Variants in CUBN observed in about 807,000 individuals in gnomAD.
CUBN encodes the protein cubilin, also known as 460 kDa receptor.
CUBN carries 282 observed loss-of-function variants against 405.3 expected under a neutral mutation model. The observed-to-expected ratio is 0.70, with a 90% CI of 0.63 to 0.77. The LOEUF (loss-of-function observed/expected upper bound fraction) is 0.77, where lower values mean the gene tolerates loss of function less well. Among genes scored for constraint, CUBN ranks in the 30% least tolerant of loss-of-function variants. The pLI is 0.00. For synonymous variants in CUBN, 1,684 were observed against 1,617.0 expected (o/e 1.04, Z -0.99); for missense variants, 4,514 against 4,475.2 (o/e 1.01, Z -0.25).
In CUBN at chr10:16,824,849, G is replaced by T; in HGVS notation, c.*126C>A. 2.7e-6 allele frequency: 2 copies of T among 743,630 alleles called. No homozygotes were observed. Among genetic ancestry groups the T allele is most frequent in the Non-Finnish European group, 4.8e-6 (2 of 419,536 alleles). The allele number at this position is 743,630 out of a possible 1,614,324, so 46.1% of individuals were successfully genotyped here. On this transcript the variant is annotated 3_prime_UTR_variant, in exon 67 of 67. Transcript: ENST00000377833. ...CAAATATTGATTCTATCCATGGTTT[G>T]GTGAAAAACCATACAAGTTCAGCTT... is the stretch of plus-strand genomic sequence containing the variant.
rs760780906 is a variant in CUBN at position 16,982,520 on chromosome 10, A to G, written c.4659T>C (p.Thr1553=). ...AGTCTTGTGGTTCAAGATCAAAGTCAGTGAAGTTCAAGAGAACACGATGAT... is the reference window on the plus strand; with the variant it reads ...AGTCTTGTGGTTCAAGATCAAAGTCGGTGAAGTTCAAGAGAACACGATGAT... ...DRNHRVLLNF[T]DFDLEPQDSC... The change falls in exon 31 of 67, where the codon ACT becomes ACC. Residue 1553 remains threonine (T), a synonymous_variant. Transcript: ENST00000377833. 6.2e-7 allele frequency: 1 copy of G among 1,613,840 alleles called. No homozygotes were observed. The highest frequency in any genetic ancestry group is 8.5e-7 in the Non-Finnish European group (1 of 1,179,754).
chr10:16,885,438 A>G (rs1050833977), intron 56 of CUBN, among the ~76,000 whole-genome samples: 5 of 152,206 alleles, frequency 3.3e-5, no homozygotes, highest in African/African-American at 7.2e-5. Flanking sequence ...ATACATATAT[A>G]ATAAATATAT....
chr10:16,837,450 A>G (rs1457296128), intron 62 of CUBN, among the ~76,000 whole-genome samples: 3 of 151,956 alleles, frequency 2.0e-5, no homozygotes, highest in Non-Finnish European at 4.4e-5. Context: ...CTTTTCTCCC[A>G]GTTACTTCCC....
At chr10:17,101,387 T>C (rs150158691) in intron 13 of CUBN, among the ~76,000 whole-genome samples, 1 of 152,110 alleles carries the variant, frequency 6.6e-6, no homozygotes, top group African/African-American at 2.4e-5. Context: ...ATAGAATTCA[T>C]GAAAACTAAA....
chr10:17,045,313 C>G, intron 24 of CUBN, 125 bp from the exon 25 acceptor site: 3 of 904,784 alleles, frequency 3.3e-6, no homozygotes, highest in Non-Finnish European at 5.3e-6. Flanking sequence ...AAAATGGCAT[C>G]ATGAAAGAGT....
intron 43 of CUBN, 39 bp from the exon 44 acceptor site, chr10:16,920,176 G>A (rs1841996053): frequency 6.2e-7 from 1 of 1,602,268 alleles, no homozygotes; most frequent in Non-Finnish European, 8.5e-7. Flanking sequence ...ATGATCTGGT[G>A]AAGGGGATGC....
rs1841846523 is a variant in CUBN at position 16,915,056 on chromosome 10, G to T, written c.7327C>A (p.Leu2443Met). 3 of 1,613,980 alleles carry T rather than the reference G, an allele frequency of 1.9e-6. No homozygotes were observed. The highest frequency in any genetic ancestry group is 2.2e-5 in the East Asian group (1 of 44,878). The change falls in exon 47 of 67, where the codon CTG (leucine) becomes ATG (methionine). Residue 2443 changes from leucine (L) to methionine (M), a missense_variant. By Grantham distance (15) the Leu-to-Met change is conservative. Around this residue, in one of 5 missense-constraint regions of CUBN, gnomAD observed 1,613 missense variants for 1,542.8 expected, o/e 1.05. Transcript: ENST00000377833. ...DGSVTASGFR[L>M]RFESSMEECG... ...CCTTCCATACTGGATTCAAATCGCA[G>T]TCTGAATCCTGAGGCAGTCACAGAG...
chr10:16,967,526 A>C (rs1196295548), intron 31 of CUBN, among the ~76,000 whole-genome samples: 1 of 152,192 alleles, frequency 6.6e-6, no homozygotes, highest in African/African-American at 2.4e-5. Flanking sequence ...TTGGTTGTTA[A>C]TAAGACACCC....
At chr10:16,874,211 C>T (rs369535460) in intron 58 of CUBN, among the ~76,000 whole-genome samples, 163 bp downstream of exon 58, 4 of 152,236 alleles carry the variant, frequency 2.6e-5, no homozygotes, top group East Asian at 3.9e-4. Context: ...AGAGGGGGAG[C>T]GTCATTTCCC....
At chr10:16,959,324 T>TG in intron 31 of CUBN, among the ~76,000 whole-genome samples, 2 of 152,330 alleles carry the variant, frequency 1.3e-5, no homozygotes, top group Middle Eastern at 3.4e-3. Flanking sequence ...TTTTAACACT[T>TG]ATAATATCAA....
At position 16,925,294 on chromosome 10, in the gene CUBN, T is replaced by C; in HGVS notation, c.6593A>G (p.Asp2198Gly). ...DNQMFVQFIS[D>G]HSNEGQGFKI... ...AAATCCTTGCCCTTCATTACTGTGATCAGAAATAAACTGAACAAACATTTG... is the reference window on the plus strand; with the variant it reads ...AAATCCTTGCCCTTCATTACTGTGACCAGAAATAAACTGAACAAACATTTG... Residue 2198 changes from aspartate to glycine, a missense_variant, in exon 43 of 67, where the codon GAT becomes GGT. Asp to Gly is a moderately conservative substitution (Grantham distance 94). Around this residue, in one of 5 missense-constraint regions of CUBN, gnomAD observed 1,613 missense variants for 1,542.8 expected, o/e 1.05. Transcript: ENST00000377833. 1 of 1,613,806 alleles carries C rather than the reference T, an allele frequency of 6.2e-7. No individual in the cohort carries two copies. Among genetic ancestry groups the C allele is most frequent in the Non-Finnish European group, 8.5e-7 (1 of 1,179,770 alleles).
chr10:16,978,317 T>C (rs921332432), intron 31 of CUBN, among the ~76,000 whole-genome samples: 6 of 152,212 alleles, frequency 3.9e-5, no homozygotes, highest in Non-Finnish European at 7.3e-5. Flanking sequence ...CTCTCAGATA[T>C]TCACTCAGAA....
chr10:17,017,827 G>A (rs4614335), intron 28 of CUBN, among the ~76,000 whole-genome samples: 37,098 of 151,878 alleles, frequency 0.24, 5,185 homozygotes, highest in East Asian at 0.42. Context: ...TTTTAGAAGC[G>A]GGACTAGCCT....
chr10:16,892,157 C>T (rs1170502461), intron 54 of CUBN, among the ~76,000 whole-genome samples: 6 of 152,174 alleles, frequency 3.9e-5, no homozygotes, highest in African/African-American at 7.2e-5. Context: ...TAATAATTCT[C>T]AGCTCTTTAA....
chr10:16,992,729 C>T (rs1017718027), intron 28 of CUBN, among the ~76,000 whole-genome samples: 2 of 152,162 alleles, frequency 1.3e-5, no homozygotes, highest in African/African-American at 4.8e-5. Context: ...AAAACCTCTG[C>T]GTTTTCAGAC....
intron 59 of CUBN, among the ~76,000 whole-genome samples, chr10:16,852,766 C>T (rs983247064): frequency 1.3e-5 from 2 of 152,202 alleles, no homozygotes; most frequent in African/African-American, 4.8e-5. Context: ...TTATGTTCCG[C>T]TTTCATGAAC....
At position 16,906,516 on chromosome 10, in the gene CUBN, ATTTG is replaced by A. The variant is rs532489458; in HGVS notation, c.7706-111_7706-108del. On this transcript the variant is annotated intron_variant, in intron 49 of 66. Coordinates refer to ENST00000377833, the MANE Select transcript of CUBN (RefSeq NM_001081.4). ...CTAAAACATCAACATTACTGCTTTG[ATTTG>A]TTTTTCTAGATGCAGTCAAGCTTAT... The A allele has an allele frequency of 7.4e-4, 622 of 842,624 alleles. 14 individuals carry two copies. In the South Asian group the frequency reaches 7.5e-3, roughly 10 times the overall value. 52.2% of individuals were successfully genotyped at this position (842,624 alleles called of 1,614,324 possible). A position where few individuals can be genotyped will look rare whatever the true frequency, so the allele number is the denominator to read the frequency against.
intron 60 of CUBN, among the ~76,000 whole-genome samples, chr10:16,847,500 AT>A (rs989109846): frequency 3.9e-5 from 6 of 152,128 alleles, no homozygotes; most frequent in African/African-American, 1.4e-4. Flanking sequence ...AATGTATTTT[AT>A]TTGTACTTTA....
intron 48 of CUBN, among the ~76,000 whole-genome samples, chr10:16,908,972 T>TC (rs1841641475): frequency 1.3e-5 from 2 of 151,134 alleles, no homozygotes; most frequent in South Asian, 4.2e-4. Flanking sequence ...AAGCTCCGCT[T>TC]CCCGGGTTCA....
Sources: allele counts gnomAD v4.1 joint callset (sites outside exome capture counted in the v4.1 genomes callset), GRCh38; gene constraint gnomAD v4.1.1; regional missense constraint gnomAD v4.1.1; transcripts MANE v1.5; gene names NCBI Gene and HGNC (gene_info 2026-07-23, HGNC 2026-07-21).